GAB1: variants seen among roughly 807,000 people sequenced by gnomAD.
GAB1 encodes GRB2 associated binding protein 1.
Under a neutral mutation model 66.5 loss-of-function variants are expected in GAB1, and 19 were observed. That is an observed-to-expected ratio of 0.29 (90% CI 0.20 to 0.42). The LOEUF (loss-of-function observed/expected upper bound fraction) is 0.42. Ranked by LOEUF, GAB1 falls within the 10% of genes least tolerant of loss-of-function variation. The pLI is 1.00. For synonymous variants in GAB1, 294 were observed against 301.4 expected (o/e 0.98, Z 0.25); for missense variants, 732 against 858.5 (o/e 0.85, Z 1.84).
chr4:143,467,102 T>C (rs1735832558), intron 9 of GAB1, among the ~76,000 whole-genome samples: 1 of 152,214 alleles, frequency 6.6e-6, no homozygotes, highest in Admixed American at 6.5e-5. Context: ...AGTTTTTGTA[T>C]AACTTAAATG....
intron 1 of GAB1, chr4:143,394,830 T>C (rs1731359483): frequency 6.6e-6 from 1 of 152,278 alleles, no homozygotes; most frequent in Non-Finnish European, 1.5e-5. Context: ...GTTTATTCTG[T>C]TGATGGATAT....
At chr4:143,388,114 T>A (rs1731003864) in intron 1 of GAB1, among the ~76,000 whole-genome samples, 1 of 152,146 alleles carries the variant, frequency 6.6e-6, no homozygotes, top group Non-Finnish European at 1.5e-5. Flanking sequence ...GGATAAGCGC[T>A]CCCTTTTTGA....
chr4:143,387,263 C>T (rs985079714), intron 1 of GAB1, among the ~76,000 whole-genome samples: 1 of 152,186 alleles, frequency 6.6e-6, no homozygotes, highest in Admixed American at 6.5e-5. Flanking sequence ...TCCCAAGTAG[C>T]TGGGATTACA....
chr4:143,464,986 A>G (rs780238553), intron 8 of GAB1, among the ~76,000 whole-genome samples: 2 of 152,222 alleles, frequency 1.3e-5, no homozygotes, highest in African/African-American at 2.4e-5. Flanking sequence ...TTGTTAAATC[A>G]TTATGATTTT....
intron 1 of GAB1, among the ~76,000 whole-genome samples, chr4:143,368,477 T>C (rs1729980255): frequency 6.6e-6 from 1 of 152,206 alleles, no homozygotes; most frequent in Admixed American, 6.5e-5. Context: ...ATAGTTTTCA[T>C]TATCTTCTCC....
intron 1 of GAB1, among the ~76,000 whole-genome samples, chr4:143,375,479 C>A (rs537389622): frequency 6.6e-6 from 1 of 152,234 alleles, no homozygotes; most frequent in African/African-American, 2.4e-5. Context: ...GATGGTAGCA[C>A]CTGGAAGTCA....
chr4:143,358,682 A>C (rs767992717), intron 1 of GAB1, among the ~76,000 whole-genome samples: 1 of 152,238 alleles, frequency 6.6e-6, no homozygotes, highest in African/African-American at 2.4e-5. Flanking sequence ...GAAGATACAC[A>C]TTACTGATAA....
At chr4:143,361,816 G>A (rs1467936185) in intron 1 of GAB1, among the ~76,000 whole-genome samples, 1 of 152,162 alleles carries the variant, frequency 6.6e-6, no homozygotes, top group Non-Finnish European at 1.5e-5. Context: ...GGATTATTTG[G>A]TGGAGCCAGT....
chr4:143,349,391 A>T (rs1729102635), intron 1 of GAB1: 1 of 1,046,652 alleles, frequency 9.6e-7, no homozygotes, highest in Non-Finnish European at 1.5e-6. Context: ...GTCTCTTTCC[A>T]GAGGTCAGGG....
rs149932566 is a variant in GAB1 at position 143,361,289 on chromosome 4, G to A, written c.72+24029G>A. Among the ~76,000 whole-genome samples, 21 of 152,232 alleles carry A rather than the reference G, an allele frequency of 1.4e-4. No individual in the cohort carries two copies. In the East Asian group the frequency reaches 4.1e-3, roughly 29 times the overall value. On this transcript the variant is annotated intron_variant, in intron 1 of 9. Transcript: ENST00000262994. ...AACAGCATGCTGATTTATTCATCTT[G>A]TCCTTCCTTTTAAGAAATATATTTC...
chr4:143,362,757 T>C (rs2149658349), intron 1 of GAB1, among the ~76,000 whole-genome samples: 1 of 152,292 alleles, frequency 6.6e-6, no homozygotes, highest in Non-Finnish European at 1.5e-5. Context: ...GTGCATCCTG[T>C]TTTGTCAACA....
chr4:143,362,266 T>G (rs75317645), intron 1 of GAB1, among the ~76,000 whole-genome samples: 69 of 152,216 alleles, frequency 4.5e-4, no homozygotes, highest in African/African-American at 1.4e-3. Context: ...ACCCATAGTT[T>G]CTCAGTATTT....
intron 3 of GAB1, chr4:143,434,163 A>T (rs753838451): frequency 1.6e-6 from 2 of 1,282,708 alleles, no homozygotes; most frequent in African/African-American, 3.0e-5. Flanking sequence ...AAACGATTCC[A>T]TTGCAGTGAG....
intron 1 of GAB1, among the ~76,000 whole-genome samples, chr4:143,374,655 T>A (rs994429742): frequency 6.6e-6 from 1 of 152,196 alleles, no homozygotes; most frequent in Non-Finnish European, 1.5e-5. Context: ...ATGGGCATCA[T>A]TGTCCAACCA....
rs1005987785 is a variant in GAB1 at position 143,473,730 on chromosome 4, A to G, written c.*4541A>G. 1 of 152,146 alleles carries G rather than the reference A, an allele frequency of 6.6e-6. No individual in the cohort carries two copies. The highest frequency in any genetic ancestry group is 2.4e-5 in the African/African-American group (1 of 41,434). 9.4% of individuals were successfully genotyped at this position (152,146 alleles called of 1,614,324 possible). On this transcript the variant is annotated 3_prime_UTR_variant, in exon 10 of 10. Coordinates refer to ENST00000262994, the MANE Select transcript of GAB1 (RefSeq NM_002039.4). Reference sequence around the variant, plus strand: ...GTTTATTAACTGGCTGGGATTTTTCATTTCTATGAAAGTTTCAAACATCTC... The same window carrying G: ...GTTTATTAACTGGCTGGGATTTTTCGTTTCTATGAAAGTTTCAAACATCTC...
At position 143,451,691 on chromosome 4, in the gene GAB1, A is replaced by G. The variant is rs192514748; in HGVS notation, c.1586-7694A>G. On this transcript the variant is annotated intron_variant, in intron 6 of 9. Coordinates refer to ENST00000262994, the MANE Select transcript of GAB1 (RefSeq NM_002039.4). ...AGAGAGTGCTTTGCCCAGTTTTCCA[A>G]ATCCAGGGTTCTTGAAGTCTTTGTT... is the stretch of plus-strand genomic sequence containing the variant. Among the ~76,000 whole-genome samples, 331 of 152,234 alleles carry G rather than the reference A, an allele frequency of 2.2e-3. 1 individual carries two copies. The highest frequency in any genetic ancestry group is 7.6e-3 in the African/African-American group (315 of 41,550).
rs1438536404 is a variant in GAB1 at position 143,466,190 on chromosome 4, G to A, written c.1891G>A (p.Asp631Asn). Residue 631 changes from aspartate (D) to asparagine (N), a missense_variant, in exon 9 of 10, where the codon GAC (aspartate) becomes AAC (asparagine). Asp to Asn is a conservative substitution (Grantham distance 23). This residue lies in a region of GAB1 where 204 missense variants were observed against 276.8 expected (regional missense o/e 0.74). Transcript: ENST00000262994. ...CAAACAGGTGGAATACTTAGATCTCGACTTAGATTCTGGGAAATCCACACC... is the reference window on the plus strand; with the variant it reads ...CAAACAGGTGGAATACTTAGATCTCAACTTAGATTCTGGGAAATCCACACC... ...GDKQVEYLDL[D>N]LDSGKSTPPR... is the part of the protein sequence containing the mutation. 4 of 1,613,598 alleles carry A rather than the reference G, an allele frequency of 2.5e-6. No individual in the cohort carries two copies. The highest frequency in any genetic ancestry group is 4.5e-5 in the East Asian group (2 of 44,850).
chr4:143,466,446 A>G (rs1391905323), intron 9 of GAB1, among the ~76,000 whole-genome samples: 1 of 115,842 alleles, frequency 8.6e-6, no homozygotes, highest in Non-Finnish European at 1.9e-5. Flanking sequence ...CTACTTTTTT[A>G]GTGGTTACCA....
intron 3 of GAB1, 120 bp from the exon 4 acceptor site, chr4:143,437,879 C>A: frequency 1.0e-6 from 1 of 983,090 alleles, no homozygotes. Context: ...TCCTATGGAT[C>A]ACACAAAAAA....
Sources: allele counts gnomAD v4.1 joint callset (sites outside exome capture counted in the v4.1 genomes callset), GRCh38; gene constraint gnomAD v4.1.1; regional missense constraint gnomAD v4.1.1; transcripts MANE v1.5; gene names NCBI Gene and HGNC (gene_info 2026-07-23, HGNC 2026-07-21).